Variants in DOK5 observed in about 807,000 individuals in gnomAD.
DOK5 encodes the protein downstream of tyrosine kinase 5.
DOK5 carries 27 observed loss-of-function variants against 43.3 expected under a neutral mutation model. The observed-to-expected ratio is 0.62, with a 90% CI of 0.46 to 0.86. The LOEUF is 0.86. Among genes scored for constraint, DOK5 ranks in the 40% least tolerant of loss-of-function variants. The pLI is 0.00. For missense variants in DOK5, 373 were observed against 392.9 expected, an observed-to-expected ratio of 0.95 and a Z score of 0.43; for synonymous variants, 146 against 140.1, an observed-to-expected ratio of 1.04 and a Z score of -0.30.
chr20:54,542,751 T>C (rs1339981075), intron 1 of DOK5, among the ~76,000 whole-genome samples: 1 of 152,244 alleles, frequency 6.6e-6, no homozygotes, highest in Non-Finnish European at 1.5e-5. Flanking sequence ...GTGCCAGTTC[T>C]TGAGGGTTCT....
intron 2 of DOK5, among the ~76,000 whole-genome samples, chr20:54,563,886 A>T (rs1294600233): frequency 1.3e-5 from 2 of 151,928 alleles, no homozygotes; most frequent in East Asian, 1.9e-4. Flanking sequence ...TGCCTTTAAA[A>T]TTTTTTTTAA....
At chr20:54,600,598 C>T (rs1183300456) in intron 5 of DOK5, among the ~76,000 whole-genome samples, 1 of 152,150 alleles carries the variant, frequency 6.6e-6, no homozygotes, top group African/African-American at 2.4e-5. Flanking sequence ...AGGCATGCTG[C>T]TTTCCTCCTG....
At chr20:54,481,144 A>G (rs1434575178) in intron 1 of DOK5, among the ~76,000 whole-genome samples, 3 of 148,688 alleles carry the variant, frequency 2.0e-5, no homozygotes, top group Admixed American at 6.7e-5. Context: ...CTATCTATCT[A>G]TCTATCTATC....
chr20:54,615,840 G>T (rs903300892), intron 6 of DOK5, among the ~76,000 whole-genome samples: 1 of 151,728 alleles, frequency 6.6e-6, no homozygotes, highest in Non-Finnish European at 1.5e-5. Context: ...GGTGGAGGTT[G>T]CAGTGAGCCA....
intron 6 of DOK5, among the ~76,000 whole-genome samples, chr20:54,618,914 G>A (rs890650323): frequency 8.6e-5 from 13 of 150,466 alleles, no homozygotes; most frequent in Non-Finnish European, 1.6e-4. Context: ...CTCCTGGGAA[G>A]GCTGAGGTGG....
At chr20:54,567,797 T>C (rs1485131072) in intron 2 of DOK5, among the ~76,000 whole-genome samples, 2 of 152,204 alleles carry the variant, frequency 1.3e-5, no homozygotes, top group Non-Finnish European at 2.9e-5. Context: ...CTATGTTAAG[T>C]CCATTCATGA....
chr20:54,587,204 G>A (rs1250680806), intron 2 of DOK5, among the ~76,000 whole-genome samples: 1 of 152,162 alleles, frequency 6.6e-6, no homozygotes, highest in African/African-American at 2.4e-5. Context: ...AAGATACATG[G>A]TGCTGAGTCA....
At chr20:54,554,672 T>C (rs1984650697) in intron 1 of DOK5, among the ~76,000 whole-genome samples, 1 of 152,244 alleles carries the variant, frequency 6.6e-6, no homozygotes, top group Non-Finnish European at 1.5e-5. Context: ...TTTTCTGAAA[T>C]ATACCTAGTG....
intron 6 of DOK5, among the ~76,000 whole-genome samples, chr20:54,635,507 C>A (rs951621189): frequency 2.0e-5 from 3 of 152,196 alleles, no homozygotes; most frequent in African/African-American, 7.2e-5. Context: ...CTGTTAATTC[C>A]AGGCCTTTCG....
At chr20:54,623,066 C>G (rs964755780) in intron 6 of DOK5, among the ~76,000 whole-genome samples, 1 of 152,082 alleles carries the variant, frequency 6.6e-6, no homozygotes, top group Non-Finnish European at 1.5e-5. Context: ...CATACATAAA[C>G]AGTATGTGAG....
At chr20:54,592,729 G>T (rs1374223977) in intron 5 of DOK5, among the ~76,000 whole-genome samples, 1 of 151,962 alleles carries the variant, frequency 6.6e-6, no homozygotes, top group African/African-American at 2.4e-5. Context: ...TTTCAGTAGA[G>T]ATGGGGTTTC....
intron 2 of DOK5, among the ~76,000 whole-genome samples, chr20:54,586,381 T>C (rs1037155985): frequency 2.6e-5 from 4 of 152,160 alleles, no homozygotes; most frequent in African/African-American, 9.7e-5. Flanking sequence ...GAAATTTCCC[T>C]GGAGAAAAGA....
intron 6 of DOK5, among the ~76,000 whole-genome samples, chr20:54,630,109 C>T (rs1410643473): frequency 1.3e-5 from 2 of 152,122 alleles, no homozygotes; most frequent in Admixed American, 1.3e-4. Context: ...TGTTTGGAAA[C>T]GACTGGGGGT....
intron 7 of DOK5, 104 bp from the exon 8 acceptor site, chr20:54,650,311 A>T (rs1979638864): frequency 9.0e-7 from 1 of 1,116,588 alleles, no homozygotes; most frequent in African/African-American, 1.6e-5. Flanking sequence ...ATTCTGCCTT[A>T]AGTACATTTA....
chr20:54,555,972 A>G (rs770861159), intron 2 of DOK5, among the ~76,000 whole-genome samples: 1 of 152,228 alleles, frequency 6.6e-6, no homozygotes, highest in Non-Finnish European at 1.5e-5. Flanking sequence ...CTCCAAAAGT[A>G]GTGACTTTTC....
At chr20:54,542,614 C>T (rs1206420132) in intron 1 of DOK5, among the ~76,000 whole-genome samples, 2 of 152,082 alleles carry the variant, frequency 1.3e-5, no homozygotes, top group Non-Finnish European at 2.9e-5. Context: ...GATATTGATT[C>T]CATCAGAATG....
chr20:54,493,354 C>T (rs947245109), intron 1 of DOK5, among the ~76,000 whole-genome samples: 5 of 152,188 alleles, frequency 3.3e-5, no homozygotes, highest in Admixed American at 1.3e-4. Context: ...CCAGTAGGCA[C>T]GCGCTTTCCT....
At chr20:54,616,779 T>C (rs1568812923) in intron 6 of DOK5, among the ~76,000 whole-genome samples, 1 of 117,142 alleles carries the variant, frequency 8.5e-6, no homozygotes, top group Non-Finnish European at 1.6e-5. Flanking sequence ...TCTTTTTTTT[T>C]TTTTCTTTTT....
intron 1 of DOK5, among the ~76,000 whole-genome samples, chr20:54,497,017 A>G (rs1982430175): frequency 6.6e-6 from 1 of 152,130 alleles, no homozygotes; most frequent in South Asian, 2.1e-4. Flanking sequence ...TTTCTATACC[A>G]TGGCTACATT....
Sources: allele counts gnomAD v4.1 joint callset (sites outside exome capture counted in the v4.1 genomes callset), GRCh38; gene constraint gnomAD v4.1.1; transcripts MANE v1.5; gene names NCBI Gene and HGNC (gene_info 2026-07-23, HGNC 2026-07-21).